The following AIG1 variants were observed in gnomAD, a reference collection of about 807,000 sequenced individuals.
The protein encoded by AIG1 is androgen induced 1.
A neutral mutation model predicts 31.4 loss-of-function variants in AIG1; 23 were observed. That is an observed-to-expected ratio of 0.73 (90% confidence interval 0.53 to 1.04). AIG1 has a LOEUF of 1.04. Among genes scored for constraint, AIG1 ranks in the 50% least tolerant of loss-of-function variants. The pLI is 0.00. For missense variants in AIG1, 274 were observed against 295.0 expected, an observed-to-expected ratio of 0.93 and a Z score of 0.52; for synonymous variants, 100 against 110.5, an observed-to-expected ratio of 0.90 and a Z score of 0.60.
chr6:143,072,779 G>A (rs1777409472), intron 1 of AIG1, among the ~76,000 whole-genome samples: 1 of 152,154 alleles, frequency 6.6e-6, no homozygotes, highest in South Asian at 2.1e-4. Context: ...TATACAACAT[G>A]ATGTTATGGG....
At chr6:143,133,645 AT>A (rs1234864659) in intron 1 of AIG1, among the ~76,000 whole-genome samples, 1 of 152,080 alleles carries the variant, frequency 6.6e-6, no homozygotes, top group Non-Finnish European at 1.5e-5. Flanking sequence ...TAAAAAGTCC[AT>A]TATCTGAAAA....
At chr6:143,067,246 T>A (rs1776797051) in intron 1 of AIG1, among the ~76,000 whole-genome samples, 2 of 152,028 alleles carry the variant, frequency 1.3e-5, no homozygotes, top group Non-Finnish European at 2.9e-5. Flanking sequence ...TATAGAAAAA[T>A]TTTTATGGTT....
intron 1 of AIG1, among the ~76,000 whole-genome samples, chr6:143,084,670 G>A (rs1206936946): frequency 1.3e-5 from 2 of 152,148 alleles, no homozygotes; most frequent in Non-Finnish European, 2.9e-5. Context: ...AATAGAGTCG[G>A]GTGACAGGGA....
chr6:143,273,737 C>G (rs1796702138), intron 3 of AIG1, among the ~76,000 whole-genome samples: 1 of 152,156 alleles, frequency 6.6e-6, no homozygotes, highest in African/African-American at 2.4e-5. Context: ...ATAAAACCAT[C>G]AGATCTTGTG....
intron 1 of AIG1, among the ~76,000 whole-genome samples, chr6:143,102,905 A>AT (rs1424359479): frequency 2.0e-5 from 3 of 152,244 alleles, no homozygotes; most frequent in South Asian, 2.1e-4. Context: ...TTTTTACTTT[A>AT]TTTTTTTGTT....
chr6:143,163,523 C>T (rs931801947), intron 2 of AIG1, among the ~76,000 whole-genome samples: 3 of 152,150 alleles, frequency 2.0e-5, no homozygotes, highest in South Asian at 2.1e-4. Flanking sequence ...CTCATTTTCA[C>T]GGACCTCAGG....
intron 3 of AIG1, among the ~76,000 whole-genome samples, chr6:143,171,503 TTTAA>T (rs1562454518): frequency 1.6e-5 from 2 of 123,280 alleles, no homozygotes; most frequent in African/African-American, 6.6e-5. Flanking sequence ...ATAATATATA[TTTAA>T]TATATATAAT....
At position 143,161,586 on chromosome 6, in the gene AIG1, T is replaced by A. The variant is rs575689976; in HGVS notation, c.298-3496T>A. Among the ~76,000 whole-genome samples the A allele has an allele frequency of 8.0e-5, 12 of 150,794 alleles. No individual in the cohort carries two copies. The South Asian group carries it at 1.5e-3, about 18-fold the overall frequency. Reference sequence around the variant, plus strand: ...GTGTGTGTACATATATATATATATATAAATTATCATATATGATGACCAGGA... The same window carrying A: ...GTGTGTGTACATATATATATATATAAAAATTATCATATATGATGACCAGGA... On this transcript the variant is annotated intron_variant, in intron 2 of 5. Transcript: ENST00000357847.
chr6:143,093,777 T>G (rs1403740280), intron 1 of AIG1, among the ~76,000 whole-genome samples: 1 of 152,108 alleles, frequency 6.6e-6, no homozygotes, highest in South Asian at 2.1e-4. Context: ...TTATTTAATC[T>G]TGGGAAATAG....
chr6:143,062,427 G>C (rs1223238451), intron 1 of AIG1, among the ~76,000 whole-genome samples: 1 of 152,152 alleles, frequency 6.6e-6, no homozygotes, highest in Non-Finnish European at 1.5e-5. Flanking sequence ...TCATCCAAGT[G>C]AGGAGCCCGT....
At chr6:143,228,847 A>G (rs1793217103) in intron 3 of AIG1, among the ~76,000 whole-genome samples, 1 of 152,202 alleles carries the variant, frequency 6.6e-6, no homozygotes, top group African/African-American at 2.4e-5. Flanking sequence ...CAAGATGTCA[A>G]GTATAAAACG....
At chr6:143,290,611 T>C (rs1382629523) in intron 4 of AIG1, among the ~76,000 whole-genome samples, 2 of 152,224 alleles carry the variant, frequency 1.3e-5, no homozygotes, top group African/African-American at 4.8e-5. Flanking sequence ...AGGAAGCTGT[T>C]GATCATGAGC....
chr6:143,236,045 T>C (rs1355019303), intron 3 of AIG1, among the ~76,000 whole-genome samples: 3 of 152,188 alleles, frequency 2.0e-5, no homozygotes, highest in African/African-American at 7.2e-5. Flanking sequence ...CTTAAAATAT[T>C]TTCGGGTATA....
chr6:143,103,508 T>C (rs929273590), intron 1 of AIG1, among the ~76,000 whole-genome samples: 30 of 139,938 alleles, frequency 2.1e-4, no homozygotes, highest in Non-Finnish European at 3.9e-4. Flanking sequence ...TTTCTTTTTT[T>C]TTTTTTTTTT....
intron 2 of AIG1, among the ~76,000 whole-genome samples, chr6:143,164,746 A>G (rs538809908): frequency 4.6e-5 from 7 of 152,328 alleles, no homozygotes; most frequent in African/African-American, 1.7e-4. Flanking sequence ...AAAAACCACC[A>G]GTGAACTTTT....
At chr6:143,281,576 G>A (rs1797343363) in intron 3 of AIG1, among the ~76,000 whole-genome samples, 1 of 152,122 alleles carries the variant, frequency 6.6e-6, no homozygotes, top group Non-Finnish European at 1.5e-5. Flanking sequence ...AACTGCTAAA[G>A]GTTACTTATT....
chr6:143,270,215 C>T (rs989378549), intron 3 of AIG1, among the ~76,000 whole-genome samples: 2 of 152,162 alleles, frequency 1.3e-5, no homozygotes, highest in Non-Finnish European at 2.9e-5. Flanking sequence ...CATCCTTTCC[C>T]CCTCTTCCCA....
At chr6:143,302,404 G>A (rs532664619) in intron 4 of AIG1, among the ~76,000 whole-genome samples, 2 of 151,130 alleles carry the variant, frequency 1.3e-5, no homozygotes, top group South Asian at 4.2e-4. Context: ...TCCTCAGAGT[G>A]TGACATTCCC....
At position 143,288,816 on chromosome 6, in the gene AIG1, C is replaced by T. The variant is rs1039542323; in HGVS notation, c.515+4591C>T. Among the ~76,000 whole-genome samples the T allele has an allele frequency of 1.3e-5, 2 of 152,112 alleles. No individual in the cohort carries two copies. The highest frequency in any genetic ancestry group is 1.9e-4 in the East Asian group (1 of 5,186). The stretch of plus-strand genomic sequence containing the variant: ...AAGAGACAGAAGTTACAAGCAAAGA[C>T]ATAAATCTATACCTGTAAGGTATGC... On this transcript the variant is annotated intron_variant, in intron 4 of 5. Coordinates refer to ENST00000357847, the MANE Select transcript of AIG1 (RefSeq NM_016108.4). This position sits in a 1 kb window ranked among gnomAD's most constrained non-coding sequence, Gnocchi z 4.4.
Sources: allele counts gnomAD v4.1 joint callset (sites outside exome capture counted in the v4.1 genomes callset), GRCh38; gene constraint gnomAD v4.1.1; non-coding constraint Gnocchi (gnomAD v3.1); transcripts MANE v1.5; gene names NCBI Gene and HGNC (gene_info 2026-07-23, HGNC 2026-07-21).